The following PRKCB variants were observed in gnomAD, a reference collection of about 807,000 sequenced individuals.
PRKCB encodes protein kinase C beta, also known as protein kinase C beta type.
In PRKCB, 13 loss-of-function variants were observed where a neutral mutation model predicts 81.5. That is an observed-to-expected ratio of 0.16 (90% CI 0.10 to 0.25). The LOEUF is 0.25. Ranked by LOEUF, PRKCB falls within the 10% of genes least tolerant of loss-of-function variation. The pLI, the probability that PRKCB is intolerant of heterozygous loss-of-function variation, is 1.00. For synonymous variants in PRKCB, 335 were observed against 321.4 expected, an observed-to-expected ratio of 1.04 and a Z score of -0.45; for missense variants, 509 against 875.7, an observed-to-expected ratio of 0.58 and a Z score of 5.29.
At chr16:23,888,072 T>C (rs1487483017) in intron 2 of PRKCB, among the ~76,000 whole-genome samples, 1 of 152,212 alleles carries the variant, frequency 6.6e-6, no homozygotes, top group African/African-American at 2.4e-5. Flanking sequence ...TTCTCCCTCC[T>C]CCTTTAGCGC....
At position 23,902,737 on chromosome 16, in the gene PRKCB, CCTTCCTTCCTTCCTT is replaced by C. The variant is rs1963496462; in HGVS notation, c.205+65333_205+65347del. Among the ~76,000 whole-genome samples, 11 of 19,146 alleles carry C rather than the reference CCTTCCTTCCTTCCTT, an allele frequency of 5.7e-4. 1 individual carries two copies. The highest frequency in any genetic ancestry group is 1.9e-3 in the African/African-American group (10 of 5,148). 12.6% of individuals were successfully genotyped at this position (19,146 alleles called of 152,430 possible). ...TTTTCCCTCCCTCCCTTCCTCCCTTCCTTCCTTCCTTCCTTCCTTCCTTCCTTCCTTCCTTCCTTC... is the reference window on the plus strand; with the variant it reads ...TTTTCCCTCCCTCCCTTCCTCCCTTCCCTTCCTTCCTTCCTTCCTTCCTTC... On this transcript the variant is annotated intron_variant, in intron 2 of 16. Coordinates refer to ENST00000643927, the MANE Select transcript of PRKCB (RefSeq NM_002738.7).
chr16:23,925,183 G>T (rs1326736100), intron 2 of PRKCB, among the ~76,000 whole-genome samples: 2 of 152,088 alleles, frequency 1.3e-5, no homozygotes, highest in Admixed American at 1.3e-4. Flanking sequence ...GAGAGAATGG[G>T]ATGGAAAGAA....
intron 2 of PRKCB, among the ~76,000 whole-genome samples, chr16:23,923,693 T>C (rs1963857871): frequency 6.6e-6 from 1 of 152,080 alleles, no homozygotes; most frequent in African/African-American, 2.4e-5. Flanking sequence ...CCCAAAATGG[T>C]GTGTTTGTGC....
At chr16:23,987,972 C>T (rs899578886) in intron 2 of PRKCB, among the ~76,000 whole-genome samples, 1 of 152,182 alleles carries the variant, frequency 6.6e-6, no homozygotes, top group Non-Finnish European at 1.5e-5. Context: ...ACAATGTAAA[C>T]GTTGCTGCCT....
At chr16:24,021,284 CCTCT>C (rs1281258134) in intron 3 of PRKCB, among the ~76,000 whole-genome samples, 2 of 80,732 alleles carry the variant, frequency 2.5e-5, no homozygotes. Flanking sequence ...TTCTTTTCTC[CCTCT>C]CCCTCCCTTC....
chr16:23,878,047 C>T (rs554395858), intron 2 of PRKCB, among the ~76,000 whole-genome samples: 4 of 152,074 alleles, frequency 2.6e-5, no homozygotes, highest in South Asian at 2.1e-4. Flanking sequence ...TTGGCCAGGC[C>T]GGTCTTGAAC....
chr16:24,105,065 T>TTA (rs1014235809), intron 7 of PRKCB, among the ~76,000 whole-genome samples: 20 of 151,714 alleles, frequency 1.3e-4, no homozygotes, highest in African/African-American at 4.8e-4. Context: ...ATTTTTTTTT[T>TTA]TTTATTTTTG....
intron 8 of PRKCB, among the ~76,000 whole-genome samples, chr16:24,120,591 C>A (rs891818018): frequency 1.3e-5 from 2 of 152,160 alleles, no homozygotes; most frequent in African/African-American, 4.8e-5. Context: ...CAGCATCCTG[C>A]CAGTTGGTCA....
chr16:23,934,123 T>G (rs1165894170), intron 2 of PRKCB, among the ~76,000 whole-genome samples: 2 of 152,096 alleles, frequency 1.3e-5, no homozygotes, highest in East Asian at 3.9e-4. Context: ...TGGACTTGCT[T>G]GGTTCTGTCT....
intron 2 of PRKCB, among the ~76,000 whole-genome samples, chr16:23,876,823 G>C (rs1243416763): frequency 6.6e-6 from 1 of 152,354 alleles, no homozygotes; most frequent in South Asian, 2.1e-4. Context: ...GCTGGAGAAA[G>C]TGGTTAACAC....
chr16:24,072,588 C>CTTCTTTTTT (rs1966124897), intron 5 of PRKCB, among the ~76,000 whole-genome samples: 1 of 143,840 alleles, frequency 7.0e-6, no homozygotes, highest in Non-Finnish European at 1.5e-5. Flanking sequence ...CTCTCTCTCT[C>CTTCTTTTTT]TTTTTTTTTT....
chr16:23,925,876 A>G (rs756055023), intron 2 of PRKCB, among the ~76,000 whole-genome samples: 23 of 152,040 alleles, frequency 1.5e-4, no homozygotes, highest in Non-Finnish European at 2.6e-4. Context: ...TATGTGTATT[A>G]TATAGTTCCC....
At chr16:24,157,002 T>C (rs1967171135) in intron 10 of PRKCB, among the ~76,000 whole-genome samples, 1 of 141,858 alleles carries the variant, frequency 7.0e-6, no homozygotes, top group Admixed American at 6.9e-5. Flanking sequence ...GGGTGACTAA[T>C]GTTCATTGTA....
chr16:24,142,082 A>G (rs1966910118), intron 9 of PRKCB, among the ~76,000 whole-genome samples: 2 of 152,112 alleles, frequency 1.3e-5, no homozygotes, highest in Admixed American at 1.3e-4. Context: ...CAACCTTCTG[A>G]GGGAGAAACT....
intron 9 of PRKCB, among the ~76,000 whole-genome samples, chr16:24,149,359 A>G (rs549470686): frequency 2.6e-5 from 4 of 152,332 alleles, no homozygotes; most frequent in East Asian, 3.9e-4. Context: ...CTCAAAATGT[A>G]ACTCCAAGAG....
chr16:24,186,553 C>T (rs1043830200), intron 15 of PRKCB, among the ~76,000 whole-genome samples: 1 of 152,260 alleles, frequency 6.6e-6, no homozygotes, highest in African/African-American at 2.4e-5. Context: ...GTGCCTTAAT[C>T]AGTGGGTTCC....
chr16:24,022,958 T>C (rs931921480), intron 3 of PRKCB, among the ~76,000 whole-genome samples: 1 of 152,176 alleles, frequency 6.6e-6, no homozygotes, highest in Non-Finnish European at 1.5e-5. Flanking sequence ...AGGCCAGGGA[T>C]GGGACAGGCT....
At chr16:24,023,611 G>A (rs1035644148) in intron 3 of PRKCB, among the ~76,000 whole-genome samples, 5 of 152,106 alleles carry the variant, frequency 3.3e-5, no homozygotes, top group African/African-American at 7.2e-5. Context: ...CTCGTGATCC[G>A]CCAGCCTCGG....
chr16:23,836,856 C>CCTGTGTTAT (rs1200818185), intron 1 of PRKCB, among the ~76,000 whole-genome samples: 90 of 152,042 alleles, frequency 5.9e-4, no homozygotes, highest in Middle Eastern at 3.4e-3. Flanking sequence ...CGGGCAGCGC[C>CCTGTGTTAT]CTGTGTTATC....
Sources: allele counts gnomAD v4.1 joint callset (sites outside exome capture counted in the v4.1 genomes callset), GRCh38; gene constraint gnomAD v4.1.1; transcripts MANE v1.5; gene names NCBI Gene and HGNC (gene_info 2026-07-23, HGNC 2026-07-21).